Variants in KSR2 observed in about 807,000 individuals in gnomAD.
KSR2 encodes kinase suppressor of ras 2.
KSR2 carries 25 observed loss-of-function variants against 107.8 expected under a neutral mutation model. That is an observed-to-expected ratio of 0.23 (90% confidence interval 0.17 to 0.32). The LOEUF (loss-of-function observed/expected upper bound fraction) is 0.32, where lower values mean the gene tolerates loss of function less well. KSR2 is among the 10% of genes least tolerant of loss of function. The pLI is 1.00. For synonymous variants in KSR2, 480 were observed against 507.0 expected (o/e 0.95, Z 0.71); for missense variants, 887 against 1,268.9 (o/e 0.70, Z 4.57).
chr12:117,851,412 C>T (rs1235647329), intron 3 of KSR2, among the ~76,000 whole-genome samples: 1 of 152,072 alleles, frequency 6.6e-6, no homozygotes, highest in Admixed American at 6.6e-5. Flanking sequence ...AATGACAAGG[C>T]GAAACCTAGT....
chr12:117,729,140 CTTTTTT>C (rs78615056), intron 4 of KSR2, among the ~76,000 whole-genome samples: 1 of 140,724 alleles, frequency 7.1e-6, no homozygotes, highest in Non-Finnish European at 1.6e-5. Flanking sequence ...CAGCAGGAAA[CTTTTTT>C]TTTTTTTTTT....
chr12:117,703,186 A>G (rs562717794), intron 4 of KSR2, among the ~76,000 whole-genome samples: 1 of 152,274 alleles, frequency 6.6e-6, no homozygotes, highest in South Asian at 2.1e-4. Flanking sequence ...CACATTCAGA[A>G]GTTGTCATTG....
rs550710286 is a variant in KSR2, at chr12:117,588,851, C to G, written c.1172-6492G>C. Among the ~76,000 whole-genome samples, 3 of 152,314 alleles carry G rather than the reference C, an allele frequency of 2.0e-5. No homozygotes were observed. In the South Asian group the frequency reaches 6.2e-4, roughly 32 times the overall value. On this transcript the variant is annotated intron_variant, in intron 5 of 19. Transcript: ENST00000339824. ...GAGTAAATATCAGTGCCCACTGTAC[C>G]TCATTGTGTTGTTTGAAGACTAAGT... is the stretch of plus-strand genomic sequence containing the variant.
chr12:117,871,926 C>A (rs879359053), intron 1 of KSR2, among the ~76,000 whole-genome samples: 41 of 151,980 alleles, frequency 2.7e-4, no homozygotes, highest in Non-Finnish European at 4.1e-4. Flanking sequence ...TGAATAGCTG[C>A]AATTACAGGC....
chr12:117,567,661 C>CA (rs57039581), intron 7 of KSR2, among the ~76,000 whole-genome samples: 50,849 of 134,902 alleles, frequency 0.38, 9,348 homozygotes, highest in Middle Eastern at 0.57. Context: ...AGGCTTCTCG[C>CA]AAAAAAAAAA....
rs1287722419 is a variant in KSR2, at chr12:117,736,770, G to A, written c.986+24241C>T. Among the ~76,000 whole-genome samples, 4 of 149,712 alleles carry A rather than the reference G, an allele frequency of 2.7e-5. No individual in the cohort carries two copies. In the Admixed American group the frequency reaches 2.7e-4, roughly 10 times the overall value. On this transcript the variant is annotated intron_variant, in intron 4 of 19. Transcript: ENST00000339824. ...AGAGGTTACAGTGAGCCAAGATTGTGCCACTGCACTCCAGCCTAGACAACA... is the reference window on the plus strand; with the variant it reads ...AGAGGTTACAGTGAGCCAAGATTGTACCACTGCACTCCAGCCTAGACAACA...
intron 9 of KSR2, among the ~76,000 whole-genome samples, chr12:117,548,990 G>A (rs1877087980): frequency 6.6e-6 from 1 of 152,164 alleles, no homozygotes; most frequent in Non-Finnish European, 1.5e-5. Flanking sequence ...GTAGAAGGCA[G>A]GGAACATCTG....
chr12:117,606,921 G>A (rs1024020438), intron 5 of KSR2, among the ~76,000 whole-genome samples: 1 of 152,106 alleles, frequency 6.6e-6, no homozygotes, highest in Non-Finnish European at 1.5e-5. Context: ...AGATTCCCTG[G>A]CTTAGGAGAG....
In KSR2 at chr12:117,968,601, A is replaced by G; in HGVS notation, c.-346T>C. The G allele has an allele frequency of 2.1e-6, 1 of 482,770 alleles. No individual in the cohort carries two copies. The highest frequency in any genetic ancestry group is 2.9e-6 in the Non-Finnish European group (1 of 344,516). The allele number at this position is 482,770 out of a possible 1,614,324, so 29.9% of individuals were successfully genotyped here. On this transcript the variant is annotated 5_prime_UTR_variant, in exon 1 of 20. Coordinates refer to ENST00000339824, the MANE Select transcript of KSR2 (RefSeq NM_173598.6). Reference sequence around the variant, plus strand: ...TTAGGGAGGAGGAGGAGGAGGAAAAAGAAGAGGAGAAGGAGGAGAGAGAGG... The same window carrying G: ...TTAGGGAGGAGGAGGAGGAGGAAAAGGAAGAGGAGAAGGAGGAGAGAGAGG...
chr12:117,851,870 G>A (rs557026006), intron 3 of KSR2, among the ~76,000 whole-genome samples: 8 of 150,560 alleles, frequency 5.3e-5, no homozygotes, highest in Admixed American at 1.3e-4. Flanking sequence ...CAGCCTGGGC[G>A]ACAGAGAGAC....
chr12:117,764,726 T>G (rs116571375), intron 3 of KSR2, among the ~76,000 whole-genome samples: 1 of 152,306 alleles, frequency 6.6e-6, no homozygotes, highest in South Asian at 2.1e-4. Flanking sequence ...GTCGGATGAC[T>G]TGGGCTCCAA....
chr12:117,597,339 A>T (rs945829692), intron 5 of KSR2, among the ~76,000 whole-genome samples: 3 of 152,244 alleles, frequency 2.0e-5, no homozygotes, highest in Non-Finnish European at 4.4e-5. Flanking sequence ...CACCAACATA[A>T]TACTTCATAT....
intron 5 of KSR2, among the ~76,000 whole-genome samples, chr12:117,610,956 A>G (rs1048649390): frequency 1.3e-5 from 2 of 152,170 alleles, no homozygotes; most frequent in Non-Finnish European, 2.9e-5. Flanking sequence ...ATTGTGTAAA[A>G]AATACATCAA....
chr12:117,501,236 A>G, intron 14 of KSR2, among the ~76,000 whole-genome samples: 1 of 152,232 alleles, frequency 6.6e-6, no homozygotes, highest in East Asian at 1.9e-4. Flanking sequence ...CAAATTGTCT[A>G]CAGCTGTTTT....
intron 5 of KSR2, among the ~76,000 whole-genome samples, chr12:117,595,403 G>A (rs1052173079): frequency 7.1e-5 from 9 of 127,506 alleles, no homozygotes; most frequent in Non-Finnish European, 1.4e-4. Flanking sequence ...TGTTGCCCAG[G>A]CCGGACTGCG....
At chr12:117,607,812 G>T (rs987572425) in intron 5 of KSR2, among the ~76,000 whole-genome samples, 9 of 152,342 alleles carry the variant, frequency 5.9e-5, no homozygotes, top group East Asian at 3.9e-4. Context: ...AGACAGGTGT[G>T]ACAGGAGGGC....
rs571031341 is a variant in KSR2, at chr12:117,842,198, G to A, written c.472+13230C>T. Among the ~76,000 whole-genome samples, 101 of 152,310 alleles carry A rather than the reference G, an allele frequency of 6.6e-4. No homozygotes were observed. In the Middle Eastern group the frequency reaches 0.02, roughly 31 times the overall value. On this transcript the variant is annotated intron_variant, in intron 3 of 19. Coordinates refer to ENST00000339824, the MANE Select transcript of KSR2 (RefSeq NM_173598.6). This position sits in a 1 kb window ranked among gnomAD's most constrained non-coding sequence, Gnocchi z 4.2. ...AGGTTTTGAGCACCACTGTTCTTGTGGAAAGGGGTATGAAAATAAACAAAA... is the reference window on the plus strand; with the variant it reads ...AGGTTTTGAGCACCACTGTTCTTGTAGAAAGGGGTATGAAAATAAACAAAA...
At chr12:117,615,388 T>A (rs1881819667) in intron 5 of KSR2, among the ~76,000 whole-genome samples, 1 of 28,916 alleles carries the variant, frequency 3.5e-5, no homozygotes, top group East Asian at 0.01. Flanking sequence ...CAATGTTAAA[T>A]GCTTTGTTTT....
chr12:117,650,370 C>T (rs968004431), intron 5 of KSR2, among the ~76,000 whole-genome samples: 5 of 152,082 alleles, frequency 3.3e-5, no homozygotes, highest in African/African-American at 1.2e-4. Flanking sequence ...ACCTTGTGAT[C>T]GTGTAAGTTA....
Sources: gnomAD v4.1 joint callset for allele counts (sites outside exome capture counted in the v4.1 genomes callset) on GRCh38, gnomAD v4.1.1 for gene constraint, Gnocchi (gnomAD v3.1) non-coding constraint, MANE v1.5 for transcripts, NCBI Gene and HGNC (gene_info 2026-07-23, HGNC 2026-07-21) for gene names.